Variants in RAP1GAP2 observed in about 807,000 individuals in gnomAD.
RAP1GAP2 encodes RAP1 GTPase activating protein 2.
A neutral mutation model predicts 95.0 loss-of-function variants in RAP1GAP2; 27 were observed. That is an observed-to-expected ratio of 0.28 (90% CI 0.21 to 0.39). The LOEUF is 0.39. Ranked by LOEUF, RAP1GAP2 falls within the 10% of genes least tolerant of loss-of-function variation. The pLI is 1.00. For missense variants in RAP1GAP2, 771 were observed against 970.0 expected, an observed-to-expected ratio of 0.79 and a Z score of 2.72; for synonymous variants, 373 against 380.9, an observed-to-expected ratio of 0.98 and a Z score of 0.24.
intron 3 of RAP1GAP2, among the ~76,000 whole-genome samples, chr17:2,921,871 C>T (rs1395816989): frequency 1.3e-5 from 2 of 152,186 alleles, no homozygotes; most frequent in Non-Finnish European, 2.9e-5. Flanking sequence ...TCTCTTCCTC[C>T]GTCTTCTTCA....
intron 2 of RAP1GAP2, among the ~76,000 whole-genome samples, chr17:2,893,024 TTTTC>T: frequency 6.6e-6 from 1 of 152,184 alleles, no homozygotes; most frequent in East Asian, 1.9e-4. Flanking sequence ...CTTTTTCTCT[TTTTC>T]TTTTTTCTTT....
chr17:2,767,353 C>A (rs565036285), intron 1 of RAP1GAP2, among the ~76,000 whole-genome samples: 2 of 90,416 alleles, frequency 2.2e-5, no homozygotes, highest in African/African-American at 9.3e-5. Flanking sequence ...CAGAGTGAGA[C>A]TCTGTTAAAA....
At chr17:2,917,618 T>C (rs1018210488) in intron 3 of RAP1GAP2, among the ~76,000 whole-genome samples, 7 of 152,174 alleles carry the variant, frequency 4.6e-5, no homozygotes, top group African/African-American at 1.7e-4. Flanking sequence ...TTGGCCAGGC[T>C]GGTCTCAAAC....
intron 2 of RAP1GAP2, among the ~76,000 whole-genome samples, chr17:2,874,810 A>G (rs528432312): frequency 6.6e-6 from 1 of 152,108 alleles, no homozygotes; most frequent in South Asian, 2.1e-4. Flanking sequence ...TCTGCTTCTC[A>G]CCAATGCCCA....
At chr17:2,910,158 C>T (rs2042325252) in intron 3 of RAP1GAP2, among the ~76,000 whole-genome samples, 1 of 152,208 alleles carries the variant, frequency 6.6e-6, no homozygotes, top group South Asian at 2.1e-4. Flanking sequence ...CTTGAGTTCC[C>T]TGAGCATAGC....
intron 3 of RAP1GAP2, among the ~76,000 whole-genome samples, chr17:2,920,273 G>A (rs1448613945): frequency 6.6e-6 from 1 of 152,180 alleles, no homozygotes; most frequent in African/African-American, 2.4e-5. Context: ...CTTTCTGCCT[G>A]TTGGTGAGGG....
intron 3 of RAP1GAP2, among the ~76,000 whole-genome samples, chr17:2,923,495 A>AT (rs900979541): frequency 1.2e-4 from 17 of 145,908 alleles, no homozygotes; most frequent in African/African-American, 2.3e-4. Context: ...CGCCTGGCTA[A>AT]TTTTTTTTTT....
chr17:2,763,975 G>T (rs144398625), intron 1 of RAP1GAP2, among the ~76,000 whole-genome samples: 130 of 152,146 alleles, frequency 8.5e-4, no homozygotes, highest in Non-Finnish European at 1.3e-3. Context: ...GTCAGCCCGG[G>T]AGAGACCCTG....
chr17:2,998,877 AAG>A (rs2046057954), intron 14 of RAP1GAP2, among the ~76,000 whole-genome samples: 2 of 152,260 alleles, frequency 1.3e-5, no homozygotes, highest in East Asian at 1.9e-4. Flanking sequence ...GGAATAAAGA[AAG>A]AGCGTGGAAA....
At chr17:3,017,435 G>A (rs980187973) in intron 17 of RAP1GAP2, among the ~76,000 whole-genome samples, 10 of 152,090 alleles carry the variant, frequency 6.6e-5, no homozygotes, top group Non-Finnish European at 1.0e-4. Flanking sequence ...TGGGAGGGGC[G>A]GCTCAGTGCA....
chr17:2,928,376 A>G (rs1375234855), intron 3 of RAP1GAP2, among the ~76,000 whole-genome samples: 1 of 151,942 alleles, frequency 6.6e-6, no homozygotes, highest in African/African-American at 2.4e-5. Flanking sequence ...CACTGCTTCC[A>G]TTCCCAGGAG....
intron 10 of RAP1GAP2, among the ~76,000 whole-genome samples, chr17:2,983,144 A>G (rs961097921): frequency 6.6e-6 from 1 of 152,176 alleles, no homozygotes; most frequent in Admixed American, 6.5e-5. Context: ...GCAACCTCAC[A>G]CAGGCCGCAG....
chr17:2,970,210 G>A (rs907180072), intron 8 of RAP1GAP2, among the ~76,000 whole-genome samples: 1 of 145,970 alleles, frequency 6.9e-6, no homozygotes, highest in Non-Finnish European at 1.5e-5. Flanking sequence ...GGATGCGCAG[G>A]TTGCAGTGAG....
chr17:2,981,098 C>T, intron 9 of RAP1GAP2, 97 bp from the exon 10 acceptor site: 1 of 1,160,218 alleles, frequency 8.6e-7, no homozygotes, highest in Non-Finnish European at 1.3e-6. Context: ...GACCCATGTG[C>T]CTCGCCCTCC....
chr17:2,880,125 A>G (rs2151665332), intron 2 of RAP1GAP2, among the ~76,000 whole-genome samples: 1 of 152,242 alleles, frequency 6.6e-6, no homozygotes, highest in South Asian at 2.1e-4. Context: ...GGACTGATGG[A>G]TGACATCGGA....
intron 2 of RAP1GAP2, among the ~76,000 whole-genome samples, chr17:2,862,298 A>C (rs2151621587): frequency 1.3e-5 from 2 of 152,318 alleles, no homozygotes; most frequent in Middle Eastern, 3.4e-3. Context: ...CGTCTGAATT[A>C]GTGGACAGTC....
At chr17:2,945,734 AT>A (rs889189198) in intron 3 of RAP1GAP2, among the ~76,000 whole-genome samples, 1 of 144,884 alleles carries the variant, frequency 6.9e-6, no homozygotes, top group African/African-American at 2.5e-5. Flanking sequence ...ATAATCATGT[AT>A]TTTTTCTTCT....
intron 3 of RAP1GAP2, among the ~76,000 whole-genome samples, chr17:2,908,489 C>G (rs934188720): frequency 1.6e-4 from 24 of 151,958 alleles, no homozygotes; most frequent in African/African-American, 5.6e-4. Flanking sequence ...GCTGCAGGAT[C>G]CAGGGGAAGA....
intron 3 of RAP1GAP2, among the ~76,000 whole-genome samples, chr17:2,918,508 C>T (rs1367568765): frequency 6.6e-6 from 1 of 150,770 alleles, no homozygotes; most frequent in African/African-American, 2.4e-5. Context: ...AGGATGCTGA[C>T]ATCTGCTTGG....
Sources: allele counts gnomAD v4.1 joint callset (sites outside exome capture counted in the v4.1 genomes callset), GRCh38; gene constraint gnomAD v4.1.1; transcripts MANE v1.5; gene names NCBI Gene and HGNC (gene_info 2026-07-23, HGNC 2026-07-21).